CNOT6: variants seen among roughly 807,000 people sequenced by gnomAD.
CNOT6 encodes the protein CCR4-NOT transcription complex subunit 6, also known as carbon catabolite repression 4 protein.
Under a neutral mutation model 61.2 loss-of-function variants are expected in CNOT6, and 12 were observed. That is an observed-to-expected ratio of 0.20 (90% confidence interval 0.13 to 0.32). CNOT6 has a LOEUF of 0.32. CNOT6 is among the 10% of genes least tolerant of loss of function. CNOT6 has a pLI of 1.00. For synonymous variants in CNOT6, 225 were observed against 240.6 expected (o/e 0.94, Z 0.60); for missense variants, 405 against 663.9 (o/e 0.61, Z 4.28).
intron 1 of CNOT6, among the ~76,000 whole-genome samples, chr5:180,511,353 T>C (rs1757385155): frequency 6.6e-6 from 1 of 151,958 alleles, no homozygotes; most frequent in Non-Finnish European, 1.5e-5. Flanking sequence ...GGCTCACGCC[T>C]GTAATCCCAG....
chr5:180,571,590 A>AG (rs1333184291), intron 11 of CNOT6, among the ~76,000 whole-genome samples, 158 bp downstream of exon 11: 1 of 152,134 alleles, frequency 6.6e-6, no homozygotes, highest in Non-Finnish European at 1.5e-5. Flanking sequence ...GTTTGAGACA[A>AG]GGTCTCACTC....
intron 2 of CNOT6, among the ~76,000 whole-genome samples, chr5:180,534,028 G>C (rs2127725905): frequency 6.6e-6 from 1 of 152,346 alleles, no homozygotes; most frequent in East Asian, 1.9e-4. Context: ...AGGGTTGATT[G>C]GCAGGCTGGA....
chr5:180,541,266 G>A (rs1759019132), intron 2 of CNOT6, among the ~76,000 whole-genome samples: 1 of 151,456 alleles, frequency 6.6e-6, no homozygotes, highest in African/African-American at 2.4e-5. Flanking sequence ...AGCCTCCTGA[G>A]TAGCTGGGAT....
At chr5:180,531,468 G>T (rs891201876) in intron 2 of CNOT6, among the ~76,000 whole-genome samples, 2 of 151,382 alleles carry the variant, frequency 1.3e-5, no homozygotes, top group Non-Finnish European at 2.9e-5. Context: ...AGACGGGATG[G>T]CGGCTGGGAA....
intron 2 of CNOT6, among the ~76,000 whole-genome samples, chr5:180,538,858 G>C (rs1232860202): frequency 1.3e-5 from 2 of 151,536 alleles, no homozygotes; most frequent in Admixed American, 1.3e-4. Context: ...CAGCCTGGGT[G>C]ATAGAGTGAG....
intron 1 of CNOT6, among the ~76,000 whole-genome samples, chr5:180,523,977 A>G (rs558775177): frequency 6.6e-6 from 1 of 152,324 alleles, no homozygotes; most frequent in East Asian, 1.9e-4. Context: ...AATAAATACA[A>G]GGAATGTTTT....
chr5:180,528,430 C>T (rs1291883313), intron 1 of CNOT6, among the ~76,000 whole-genome samples: 1 of 152,152 alleles, frequency 6.6e-6, no homozygotes, highest in Non-Finnish European at 1.5e-5. Flanking sequence ...CCTGCCTCAG[C>T]CTTCCGAGTA....
chr5:180,557,766 C>T (rs895427124), intron 4 of CNOT6, among the ~76,000 whole-genome samples: 2 of 152,138 alleles, frequency 1.3e-5, no homozygotes, highest in Non-Finnish European at 2.9e-5. Context: ...TCTAAGAACT[C>T]TTTGAATAGC....
chr5:180,564,866 G>A (rs932055334), intron 6 of CNOT6, 123 bp downstream of exon 6: 6 of 737,646 alleles, frequency 8.1e-6, no homozygotes, highest in Middle Eastern at 3.9e-4. Context: ...GTTTGGTTTG[G>A]GAGGTAATAA....
At position 180,575,773 on chromosome 5, in the gene CNOT6, T is replaced by G. The variant is rs180967483; in HGVS notation, c.*1573T>G. 6.5e-6 allele frequency: 1 copy of G among 152,742 alleles called. No individual in the cohort carries two copies. Among genetic ancestry groups the G allele is most frequent in the Admixed American group, 6.5e-5 (1 of 15,292 alleles). The allele number at this position is 152,742 out of a possible 1,614,324, so 9.5% of individuals were successfully genotyped here. Reference sequence around the variant, plus strand: ...GCAGAGGGAGCTTGGTCAAACTGCTTTTGTTTCAACTGCAGGCAGGGGAGC... The same window carrying G: ...GCAGAGGGAGCTTGGTCAAACTGCTGTTGTTTCAACTGCAGGCAGGGGAGC... On this transcript the variant is annotated 3_prime_UTR_variant, in exon 12 of 12. Transcript: ENST00000261951.
chr5:180,538,585 G>A (rs978587436), intron 2 of CNOT6, among the ~76,000 whole-genome samples: 24 of 151,138 alleles, frequency 1.6e-4, no homozygotes, highest in African/African-American at 5.8e-4. Flanking sequence ...CTAGTCAGGA[G>A]GCCTAGGCAG....
chr5:180,538,686 G>GTATATATATATGTATATATA lies in CNOT6; in HGVS notation c.112+9309_112+9310insGTATATATATATATATATAT, dbSNP rs1554100066. Among the ~76,000 whole-genome samples, 4 of 85,134 alleles carry GTATATATATATGTATATATA rather than the reference G, an allele frequency of 4.7e-5. No individual in the cohort carries two copies. In the East Asian group the frequency reaches 1.9e-3, roughly 41 times the overall value. The allele number at this position is 85,134 out of a possible 152,430, so 55.9% of individuals were successfully genotyped here. A position where few individuals can be genotyped will look rare whatever the true frequency, so the allele number is the denominator to read the frequency against. On this transcript the variant is annotated intron_variant, in intron 2 of 11. Coordinates refer to ENST00000261951, the MANE Select transcript of CNOT6 (RefSeq NM_001370472.1). ...GAGCGAGACTCTGTCTGAGAAAAAG[G>GTATATATATATGTATATATA]TATATATATATATATATATATATAT... is the stretch of plus-strand genomic sequence containing the variant.
At chr5:180,537,998 C>T (rs536070795) in intron 2 of CNOT6, among the ~76,000 whole-genome samples, 4 of 149,954 alleles carry the variant, frequency 2.7e-5, no homozygotes, top group South Asian at 2.1e-4. Flanking sequence ...GTAGATTATA[C>T]AGTAGACCAG....
chr5:180,517,596 T>G (rs1757696967), intron 1 of CNOT6, among the ~76,000 whole-genome samples: 1 of 151,856 alleles, frequency 6.6e-6, no homozygotes, highest in Non-Finnish European at 1.5e-5. Context: ...CAGGCTGGAG[T>G]GCAGTGGCGC....
intron 2 of CNOT6, among the ~76,000 whole-genome samples, chr5:180,541,418 G>T (rs1759029437): frequency 7.9e-6 from 1 of 127,240 alleles, no homozygotes; most frequent in South Asian, 2.7e-4. Context: ...TTACAGGCAT[G>T]AACCACCACA....
Position 180,569,366 on chromosome 5 carries a change from A to C in CNOT6, c.1258+26A>C, listed in dbSNP as rs187963423. The stretch of plus-strand genomic sequence containing the variant: ...GTAAGAAAATAATGTGATTTTATGT[A>C]GAATATTTTTTGACATAAGATGATT... On this transcript the variant is annotated intron_variant, in intron 10 of 11. Transcript: ENST00000261951. 25 of 1,479,040 alleles carry C rather than the reference A, an allele frequency of 1.7e-5. No individual in the cohort carries two copies. The African/African-American group carries it at 2.2e-4, about 13-fold the overall frequency. 91.6% of individuals were successfully genotyped at this position (1,479,040 alleles called of 1,614,324 possible).
intron 2 of CNOT6, 138 bp downstream of exon 2, chr5:180,529,526 G>T (rs1758253518): frequency 3.1e-6 from 2 of 643,866 alleles, no homozygotes; most frequent in East Asian, 2.9e-5. Flanking sequence ...TTGTATTTTA[G>T]TAACTTATCT....
At chr5:180,540,418 G>T (rs1372855631) in intron 2 of CNOT6, among the ~76,000 whole-genome samples, 4 of 152,070 alleles carry the variant, frequency 2.6e-5, no homozygotes, top group Non-Finnish European at 5.9e-5. Flanking sequence ...GCAGTCTCTG[G>T]CTCACGATGG....
At chr5:180,547,872 T>C (rs898862556) in intron 2 of CNOT6, among the ~76,000 whole-genome samples, 2 of 151,984 alleles carry the variant, frequency 1.3e-5, no homozygotes, top group Non-Finnish European at 2.9e-5. Context: ...AAGCTGGGAT[T>C]ACAGGCGCCC....
Sources: allele counts gnomAD v4.1 joint callset (sites outside exome capture counted in the v4.1 genomes callset), GRCh38; gene constraint gnomAD v4.1.1; transcripts MANE v1.5; gene names NCBI Gene and HGNC (gene_info 2026-07-23, HGNC 2026-07-21).